CLSTN2: variants seen among roughly 807,000 people sequenced by gnomAD.
CLSTN2 encodes calsyntenin 2, also known as calsyntenin-2.
CLSTN2 carries 48 observed loss-of-function variants against 101.2 expected under a neutral mutation model. The observed-to-expected ratio is 0.47, with a 90% CI of 0.38 to 0.60. CLSTN2 has a LOEUF of 0.60. Ranked by LOEUF, CLSTN2 falls within the 20% of genes least tolerant of loss-of-function variation. The probability of loss-of-function intolerance (pLI) is 0.00; values close to 1 mark genes in which losing one functional copy is unlikely to be tolerated. For missense variants in CLSTN2, 1,160 were observed against 1,238.2 expected (o/e 0.94, Z 0.95); for synonymous variants, 481 against 463.6 (o/e 1.04, Z -0.48).
chr3:139,935,290 G>T lies in CLSTN2; in HGVS notation c.-85G>T, dbSNP rs1397217783. The T allele has an allele frequency of 2.9e-6, 2 of 692,056 alleles. No homozygotes were observed. Among genetic ancestry groups the T allele is most frequent in the East Asian group, 7.3e-5 (2 of 27,316 alleles). The allele number at this position is 692,056 out of a possible 1,614,324, so 42.9% of individuals were successfully genotyped here. A position where few individuals can be genotyped will look rare whatever the true frequency, so the allele number is the denominator to read the frequency against. On this transcript the variant is annotated 5_prime_UTR_variant, in exon 1 of 17. Transcript: ENST00000458420. This position sits in a 1 kb window ranked among gnomAD's most constrained non-coding sequence, Gnocchi z 5.5. ...GCGCACCCATCGGGCACGGCGAGGC[G>T]GCCCACGGTGCGGCAGGCACCGGGA...
intron 4 of CLSTN2, among the ~76,000 whole-genome samples, chr3:140,413,138 A>G (rs2088384461): frequency 6.6e-6 from 1 of 152,120 alleles, no homozygotes; most frequent in Admixed American, 6.5e-5. Flanking sequence ...TAATTGATAA[A>G]CCTTTACCTA....
At chr3:140,346,262 G>T (rs1227856867) in intron 2 of CLSTN2, among the ~76,000 whole-genome samples, 1 of 152,104 alleles carries the variant, frequency 6.6e-6, no homozygotes, top group Non-Finnish European at 1.5e-5. Context: ...TTTCATATTT[G>T]CCAAGTCCCC....
chr3:140,155,220 G>T (rs2009936160), intron 1 of CLSTN2, among the ~76,000 whole-genome samples: 1 of 152,176 alleles, frequency 6.6e-6, no homozygotes, highest in Non-Finnish European at 1.5e-5. Flanking sequence ...CAGAGGCTAA[G>T]GTAGTATCAT....
chr3:140,551,952 G>A (rs919431157), intron 10 of CLSTN2, among the ~76,000 whole-genome samples: 4 of 151,656 alleles, frequency 2.6e-5, no homozygotes, highest in Admixed American at 6.6e-5. Context: ...TCTTCATCTG[G>A]CCCCACTCAG....
At chr3:140,082,775 G>T (rs766459052) in intron 1 of CLSTN2, among the ~76,000 whole-genome samples, 17 of 152,148 alleles carry the variant, frequency 1.1e-4, no homozygotes, top group Non-Finnish European at 2.1e-4. Flanking sequence ...TTTCCTATGG[G>T]ACTGTGTTAG....
intron 1 of CLSTN2, among the ~76,000 whole-genome samples, chr3:140,043,912 GT>G (rs1396720421): frequency 2.6e-5 from 4 of 152,198 alleles, no homozygotes; most frequent in Non-Finnish European, 5.9e-5. Flanking sequence ...GTACCATGCT[GT>G]TTTGGTTACT....
chr3:140,460,762 A>T (rs1933542507), intron 7 of CLSTN2, among the ~76,000 whole-genome samples: 1 of 152,218 alleles, frequency 6.6e-6, no homozygotes, highest in Non-Finnish European at 1.5e-5. Context: ...TCTGCATTTA[A>T]TTATAATTCT....
At chr3:140,540,352 G>T (rs1935448983) in intron 9 of CLSTN2, among the ~76,000 whole-genome samples, 1 of 152,162 alleles carries the variant, frequency 6.6e-6, no homozygotes, top group South Asian at 2.1e-4. Context: ...CAGGTCATCT[G>T]TCCCCACAAG....
chr3:140,172,372 A>G (rs58999789), intron 1 of CLSTN2, among the ~76,000 whole-genome samples: 61,148 of 151,780 alleles, frequency 0.4, 12,977 homozygotes, highest in African/African-American at 0.54. Flanking sequence ...CAGTCAGGAG[A>G]CCCCTGCTGC....
At chr3:140,374,383 A>T (rs930188030) in intron 2 of CLSTN2, among the ~76,000 whole-genome samples, 16 of 151,634 alleles carry the variant, frequency 1.1e-4, no homozygotes, top group Admixed American at 7.2e-4. Context: ...TTATAACCCA[A>T]CTCAAGTTCC....
chr3:140,084,216 A>G (rs899130319), intron 1 of CLSTN2, among the ~76,000 whole-genome samples: 8 of 152,186 alleles, frequency 5.3e-5, no homozygotes, highest in Admixed American at 2.6e-4. Context: ...AGGCACCACC[A>G]CATGCTTGCA....
At chr3:139,972,561 A>G (rs1335572171) in intron 1 of CLSTN2, among the ~76,000 whole-genome samples, 1 of 152,194 alleles carries the variant, frequency 6.6e-6, no homozygotes, top group Non-Finnish European at 1.5e-5. Flanking sequence ...TCTCCTTGTC[A>G]GTAAAATGAC....
At chr3:140,149,146 C>T (rs1466665219) in intron 1 of CLSTN2, among the ~76,000 whole-genome samples, 2 of 152,142 alleles carry the variant, frequency 1.3e-5, no homozygotes, top group African/African-American at 2.4e-5. Context: ...CCTGGCTGTC[C>T]CTTCTCCCCA....
chr3:140,089,580 T>TTTTATTTA (rs71627875), intron 1 of CLSTN2, among the ~76,000 whole-genome samples: 446 of 146,034 alleles, frequency 3.1e-3, no homozygotes, highest in Middle Eastern at 6.8e-3. Flanking sequence ...TTTCAGCTGG[T>TTTTATTTA]TTTATTTATT....
chr3:140,191,758 A>G (rs2010569192), intron 2 of CLSTN2, among the ~76,000 whole-genome samples: 1 of 151,926 alleles, frequency 6.6e-6, no homozygotes, highest in Non-Finnish European at 1.5e-5. Flanking sequence ...CCTCATGTTG[A>G]TAACTTATAT....
At chr3:140,193,853 A>G (rs2010607461) in intron 2 of CLSTN2, among the ~76,000 whole-genome samples, 1 of 151,880 alleles carries the variant, frequency 6.6e-6, no homozygotes, top group Admixed American at 6.6e-5. Context: ...TAACTAATTG[A>G]GTTATTCCTA....
chr3:140,363,830 GA>G (rs1227398088), intron 2 of CLSTN2, among the ~76,000 whole-genome samples: 1 of 152,166 alleles, frequency 6.6e-6, no homozygotes, highest in Non-Finnish European at 1.5e-5. Context: ...CGAGGAGGGG[GA>G]ACCTGGGGGC....
chr3:139,974,465 C>G (rs887150039), intron 1 of CLSTN2, among the ~76,000 whole-genome samples: 3 of 152,190 alleles, frequency 2.0e-5, no homozygotes, highest in Non-Finnish European at 4.4e-5. Context: ...GACCACCTTT[C>G]CCTGCTTCCC....
intron 1 of CLSTN2, among the ~76,000 whole-genome samples, chr3:140,107,321 A>G (rs968202959): frequency 4.6e-5 from 7 of 152,150 alleles, no homozygotes; most frequent in Non-Finnish European, 8.8e-5. Flanking sequence ...ATGAAAGGGC[A>G]TCTCTTTTCC....
Sources: gnomAD v4.1 joint callset for allele counts (sites outside exome capture counted in the v4.1 genomes callset) on GRCh38, gnomAD v4.1.1 for gene constraint, Gnocchi (gnomAD v3.1) non-coding constraint, MANE v1.5 for transcripts, NCBI Gene and HGNC (gene_info 2026-07-23, HGNC 2026-07-21) for gene names.